CDYL2: variants seen among roughly 807,000 people sequenced by gnomAD.
CDYL2 encodes the protein chromodomain Y like 2.
In CDYL2, 23 loss-of-function variants were observed where a neutral mutation model predicts 49.4. The observed-to-expected ratio is 0.47, with a 90% CI of 0.34 to 0.66. CDYL2 has a LOEUF of 0.66. CDYL2 is among the 30% of genes least tolerant of loss of function. The pLI is 0.01. For missense variants in CDYL2, 678 were observed against 656.4 expected, an observed-to-expected ratio of 1.03 and a Z score of -0.36; for synonymous variants, 360 against 268.8, an observed-to-expected ratio of 1.34 and a Z score of -3.32.
intron 2 of CDYL2, among the ~76,000 whole-genome samples, chr16:80,636,369 C>T (rs569814157): frequency 6.6e-6 from 1 of 151,894 alleles, no homozygotes; most frequent in African/African-American, 2.4e-5. Flanking sequence ...CAAGAAAAAA[C>T]CCAAACAACC....
chr16:80,689,713 C>G (rs896630), intron 1 of CDYL2, among the ~76,000 whole-genome samples: 1 of 152,102 alleles, frequency 6.6e-6, no homozygotes, highest in Non-Finnish European at 1.5e-5. Flanking sequence ...ATCACTGATA[C>G]GCGAGGCACC....
intron 1 of CDYL2, among the ~76,000 whole-genome samples, chr16:80,759,124 A>ATGGTTTATATAAATATATT (rs1278723223): frequency 7.5e-6 from 1 of 133,220 alleles, no homozygotes; most frequent in Admixed American, 7.6e-5. Flanking sequence ...ATATATATAT[A>ATGGTTTATATAAATATATT]TATATATATA....
At chr16:80,791,923 T>C (rs573835522) in intron 1 of CDYL2, among the ~76,000 whole-genome samples, 9 of 152,090 alleles carry the variant, frequency 5.9e-5, no homozygotes, top group African/African-American at 1.7e-4. Flanking sequence ...AGCTGAGAGG[T>C]ACTAGAAAGA....
At chr16:80,786,137 T>C (rs1907427870) in intron 1 of CDYL2, among the ~76,000 whole-genome samples, 2 of 152,004 alleles carry the variant, frequency 1.3e-5, no homozygotes, top group South Asian at 2.1e-4. Flanking sequence ...CTAAAGAGCT[T>C]CTGCGCAGCA....
chr16:80,637,077 T>C (rs1332240499), intron 2 of CDYL2, among the ~76,000 whole-genome samples: 1 of 151,974 alleles, frequency 6.6e-6, no homozygotes, highest in East Asian at 1.9e-4. Context: ...AGGGGAGGAA[T>C]AGCATTAGAA....
At chr16:80,655,874 C>T (rs1597151970) in intron 2 of CDYL2, among the ~76,000 whole-genome samples, 2 of 152,200 alleles carry the variant, frequency 1.3e-5, no homozygotes, top group African/African-American at 4.8e-5. Context: ...CCCTCTCCTT[C>T]AGGAGCATCA....
intron 1 of CDYL2, among the ~76,000 whole-genome samples, chr16:80,759,122 A>ATATATATATATGGTT (rs1555535897): frequency 2.3e-5 from 3 of 127,852 alleles, no homozygotes; most frequent in African/African-American, 1.0e-4. Flanking sequence ...ATATATATAT[A>ATATATATATATGGTT]TATATATATA....
At chr16:80,684,508 C>T (rs202190020) in intron 2 of CDYL2, 30 bp downstream of exon 2, 1 of 1,591,484 alleles carries the variant, frequency 6.3e-7, no homozygotes, top group Non-Finnish European at 8.6e-7. Flanking sequence ...ATGGCCAGAG[C>T]CAAACCCAAG....
intron 1 of CDYL2, among the ~76,000 whole-genome samples, chr16:80,739,863 C>T (rs112660002): frequency 9.2e-5 from 14 of 152,264 alleles, no homozygotes; most frequent in African/African-American, 3.1e-4. Flanking sequence ...CAATTACAGC[C>T]CAATTACCTG....
chr16:80,742,249 C>T (rs1223684420), intron 1 of CDYL2: 2 of 152,240 alleles, frequency 1.3e-5, no homozygotes, highest in African/African-American at 4.8e-5. Context: ...CAACAGGAAA[C>T]ACTTTAACAC....
At chr16:80,733,577 A>G in intron 1 of CDYL2, among the ~76,000 whole-genome samples, 1 of 152,182 alleles carries the variant, frequency 6.6e-6, no homozygotes, top group East Asian at 1.9e-4. Context: ...CTATGCCAAG[A>G]TGGAGAAATG....
At chr16:80,679,856 G>C (rs1396836274) in intron 2 of CDYL2, 3 of 449,036 alleles carry the variant, frequency 6.7e-6, no homozygotes, top group Non-Finnish European at 1.3e-5. Context: ...ACTTCTGCTG[G>C]AGGTGCAGAT....
chr16:80,758,859 T>C (rs540196211), intron 1 of CDYL2, among the ~76,000 whole-genome samples: 1 of 151,882 alleles, frequency 6.6e-6, no homozygotes, highest in South Asian at 2.1e-4. Flanking sequence ...GCACTTCTAA[T>C]CATATCAAAA....
chr16:80,647,520 A>G (rs1016905368), intron 2 of CDYL2, among the ~76,000 whole-genome samples: 5 of 152,156 alleles, frequency 3.3e-5, no homozygotes, highest in Non-Finnish European at 5.9e-5. Flanking sequence ...TATGCACCCA[A>G]CACTGGATCA....
chr16:80,781,847 A>G (rs933542755), intron 1 of CDYL2, among the ~76,000 whole-genome samples: 2 of 152,138 alleles, frequency 1.3e-5, no homozygotes, highest in Non-Finnish European at 2.9e-5. Context: ...ATATCTTGAG[A>G]CAAAAGAAAA....
intron 4 of CDYL2, among the ~76,000 whole-genome samples, chr16:80,617,096 T>C (rs979774452): frequency 1.3e-5 from 2 of 152,240 alleles, no homozygotes; most frequent in Non-Finnish European, 2.9e-5. Flanking sequence ...CTTTTCAGGA[T>C]GGATCCTGGA....
At position 80,782,233 on chromosome 16, in the gene CDYL2, C is replaced by G. The variant is rs191516512; in HGVS notation, c.24+21917G>C. The stretch of plus-strand genomic sequence containing the variant: ...TTAAAATGCTATAAATAATTGTACA[C>G]CAACAAACTGTATAACCTACATGAA... On this transcript the variant is annotated intron_variant, in intron 1 of 6. Coordinates refer to ENST00000570137, the MANE Select transcript of CDYL2 (RefSeq NM_152342.4). Among the ~76,000 whole-genome samples, 844 of 151,736 alleles carry G rather than the reference C, an allele frequency of 5.6e-3. 13 individuals are homozygous for G. The highest frequency in any genetic ancestry group is 0.019 in the African/African-American group (776 of 41,442).
intron 1 of CDYL2, among the ~76,000 whole-genome samples, chr16:80,792,875 C>T (rs757321015): frequency 6.6e-6 from 1 of 152,152 alleles, no homozygotes; most frequent in Non-Finnish European, 1.5e-5. Context: ...CATGGAACAG[C>T]CTACCAGCAA....
intron 1 of CDYL2, among the ~76,000 whole-genome samples, chr16:80,755,959 T>A (rs1906296518): frequency 6.6e-6 from 1 of 152,302 alleles, no homozygotes; most frequent in Admixed American, 6.5e-5. Flanking sequence ...TTAGGAAACA[T>A]GCTCTTAAAT....
Sources: gnomAD v4.1 joint callset for allele counts (sites outside exome capture counted in the v4.1 genomes callset) on GRCh38, gnomAD v4.1.1 for gene constraint, MANE v1.5 for transcripts, NCBI Gene and HGNC (gene_info 2026-07-23, HGNC 2026-07-21) for gene names.